The following CSMD3 variants were observed in gnomAD, a reference collection of about 807,000 sequenced individuals.
CSMD3 encodes CUB and Sushi multiple domains 3.
In CSMD3, 177 loss-of-function variants were observed where a neutral mutation model predicts 435.2. The observed-to-expected ratio is 0.41, with a 90% CI of 0.36 to 0.46. CSMD3 has a LOEUF of 0.46. CSMD3 is among the 20% of genes least tolerant of loss of function. The probability of loss-of-function intolerance (pLI) is 0.34; values close to 1 mark genes in which losing one functional copy is unlikely to be tolerated. For missense variants in CSMD3, 4,265 were observed against 4,504.6 expected, an observed-to-expected ratio of 0.95 and a Z score of 1.52; for synonymous variants, 1,656 against 1,520.5, an observed-to-expected ratio of 1.09 and a Z score of -2.07.
At chr8:112,516,752 C>T (rs1823710121) in intron 28 of CSMD3, among the ~76,000 whole-genome samples, 1 of 152,026 alleles carries the variant, frequency 6.6e-6, no homozygotes, top group Non-Finnish European at 1.5e-5. Context: ...ATAACTATGG[C>T]TACATAGTAA....
At chr8:113,011,701 T>A (rs1480508281) in intron 6 of CSMD3, among the ~76,000 whole-genome samples, 1 of 151,808 alleles carries the variant, frequency 6.6e-6, no homozygotes, top group Non-Finnish European at 1.5e-5. Flanking sequence ...TAATTTAAAA[T>A]CGTTCTTGAT....
chr8:112,951,258 T>C (rs2083798913), intron 8 of CSMD3, among the ~76,000 whole-genome samples: 3 of 151,850 alleles, frequency 2.0e-5, no homozygotes, highest in African/African-American at 7.2e-5. Flanking sequence ...ATTGGACAGA[T>C]TTATCACTTT....
intron 13 of CSMD3, among the ~76,000 whole-genome samples, chr8:112,699,225 C>T (rs555498063): frequency 6.6e-5 from 10 of 152,270 alleles, no homozygotes; most frequent in African/African-American, 2.4e-4. Flanking sequence ...CTGTAACACT[C>T]ACTGCAAAAG....
rs769435228 is a variant in CSMD3, at chr8:112,263,825, TA to T, written c.9689-14del. 3.1e-6 allele frequency: 5 copies of T among 1,609,478 alleles called. No individual in the cohort carries two copies. The East Asian group carries it at 6.7e-5, about 22-fold the overall frequency. On this transcript the variant is annotated splice_polypyrimidine_tract_variant and intron_variant, in intron 60 of 70. Coordinates refer to ENST00000297405, the MANE Select transcript of CSMD3 (RefSeq NM_198123.2). ...GGGCAGGTAACAGCTGCAATTACAT[TA>T]AAAGTGATTAGACACAGCTGTTGAA...
At position 112,370,740 on chromosome 8, in the gene CSMD3, A is replaced by G. The variant is rs1052234178; in HGVS notation, c.6136+9612T>C. Among the ~76,000 whole-genome samples the G allele has an allele frequency of 5.9e-5, 9 of 151,974 alleles. No homozygotes were observed. The East Asian group carries it at 7.7e-4, about 13-fold the overall frequency. On this transcript the variant is annotated intron_variant, in intron 38 of 70. Coordinates refer to ENST00000297405, the MANE Select transcript of CSMD3 (RefSeq NM_198123.2). ...CTCAACTCTCCATCTATTTTTTTCTATGACACATCATTTTCTAAAATGTTA... is the reference window on the plus strand; with the variant it reads ...CTCAACTCTCCATCTATTTTTTTCTGTGACACATCATTTTCTAAAATGTTA...
intron 1 of CSMD3, among the ~76,000 whole-genome samples, chr8:113,395,173 G>A (rs1399840983): frequency 6.6e-6 from 1 of 151,990 alleles, no homozygotes; most frequent in Non-Finnish European, 1.5e-5. Flanking sequence ...CATTTTAAGA[G>A]ACTAACCATT....
intron 3 of CSMD3, among the ~76,000 whole-genome samples, chr8:113,244,858 T>C (rs532867975): frequency 1.2e-4 from 18 of 152,308 alleles, no homozygotes; most frequent in African/African-American, 4.1e-4. Context: ...CATTCATATT[T>C]TGCCTTGTTG....
At chr8:112,957,651 G>C (rs898653298) in intron 7 of CSMD3, among the ~76,000 whole-genome samples, 2 of 152,052 alleles carry the variant, frequency 1.3e-5, no homozygotes, top group South Asian at 4.1e-4. Context: ...GAGTTTAGCC[G>C]TGTTGGCCAG....
chr8:113,319,272 C>T (rs1183579189), intron 1 of CSMD3, among the ~76,000 whole-genome samples: 1 of 151,920 alleles, frequency 6.6e-6, no homozygotes, highest in Non-Finnish European at 1.5e-5. Flanking sequence ...AAGGCAATAT[C>T]TTATAGTGGT....
chr8:112,930,905 G>C (rs370576617), intron 9 of CSMD3, among the ~76,000 whole-genome samples: 4 of 151,928 alleles, frequency 2.6e-5, no homozygotes, highest in Non-Finnish European at 4.4e-5. Flanking sequence ...GTGCTGACAA[G>C]GAATAATAAA....
chr8:112,599,550 C>T (rs183900706), intron 22 of CSMD3, among the ~76,000 whole-genome samples: 346 of 152,006 alleles, frequency 2.3e-3, no homozygotes, highest in African/African-American at 7.9e-3. Flanking sequence ...AATCATGCTG[C>T]TATAAAGACA....
At chr8:112,619,608 T>C (rs1468949428) in intron 22 of CSMD3, among the ~76,000 whole-genome samples, 14 of 152,114 alleles carry the variant, frequency 9.2e-5, no homozygotes, top group Non-Finnish European at 2.1e-4. Flanking sequence ...TGTGGCCACC[T>C]TCTCTGATTT....
At chr8:113,184,103 G>A (rs934143711) in intron 3 of CSMD3, among the ~76,000 whole-genome samples, 1 of 151,964 alleles carries the variant, frequency 6.6e-6, no homozygotes, top group Non-Finnish European at 1.5e-5. Flanking sequence ...AGAACTTAAG[G>A]ATTCACTTGC....
intron 4 of CSMD3, among the ~76,000 whole-genome samples, chr8:113,127,773 T>C (rs1358766083): frequency 6.6e-6 from 1 of 152,146 alleles, no homozygotes; most frequent in South Asian, 2.1e-4. Flanking sequence ...TCAAAAATGT[T>C]GACTACATTT....
chr8:113,418,402 G>A (rs911370554), intron 1 of CSMD3, among the ~76,000 whole-genome samples: 3 of 152,074 alleles, frequency 2.0e-5, no homozygotes, highest in African/African-American at 7.2e-5. Context: ...TAATAAGACT[G>A]AGCCGTGATT....
chr8:112,408,405 G>T lies in CSMD3; in HGVS notation c.5518C>A (p.Leu1840Ile). 1 of 1,600,332 alleles carries T rather than the reference G, an allele frequency of 6.2e-7. No homozygotes were observed. Among genetic ancestry groups the T allele is most frequent in the East Asian group, 2.2e-5 (1 of 44,692 alleles). ...ATCTGATTACCTGAACTCAGTGGAA[G>T]TGATTCTCCTACTCAACAAAACAAA... The part of the protein sequence containing the change: ...SLSGSHSGES[L>I]PLSSGNQITI... Residue 1840 changes from leucine to isoleucine, a missense_variant, in exon 34 of 71, where the codon CTT (leucine) becomes ATT (isoleucine). Around this residue, in one of 3 missense-constraint regions of CSMD3, gnomAD observed 3,255 missense variants for 3,380.2 expected, o/e 0.96. Transcript: ENST00000297405.
At chr8:113,373,105 C>T (rs886901328) in intron 1 of CSMD3, among the ~76,000 whole-genome samples, 3 of 151,988 alleles carry the variant, frequency 2.0e-5, no homozygotes, top group African/African-American at 7.3e-5. Context: ...GCTGCTAGTA[C>T]CAACGCCACT....
At chr8:112,773,956 GC>G (rs2132211874) in intron 13 of CSMD3, among the ~76,000 whole-genome samples, 1 of 152,096 alleles carries the variant, frequency 6.6e-6, no homozygotes, top group South Asian at 2.1e-4. Context: ...GCATTGTGAG[GC>G]TAGAGCAACT....
intron 36 of CSMD3, among the ~76,000 whole-genome samples, chr8:112,388,519 T>G (rs764652460): frequency 1.3e-5 from 2 of 152,172 alleles, no homozygotes; most frequent in Non-Finnish European, 2.9e-5. Context: ...TTCTGACTTG[T>G]GTAACTTAAT....
Sources: gnomAD v4.1 joint callset for allele counts (sites outside exome capture counted in the v4.1 genomes callset) on GRCh38, gnomAD v4.1.1 for gene constraint, gnomAD v4.1.1 regional missense constraint, MANE v1.5 for transcripts, NCBI Gene and HGNC (gene_info 2026-07-23, HGNC 2026-07-21) for gene names.